The following LINC00632 variants were observed in gnomAD, a reference collection of about 807,000 sequenced individuals.
The protein encoded by LINC00632 is long independently transcribed non-coding RNA 632.
chrX:140,734,680 C>T (rs1931113566), intron 3 of LINC00632, among the ~76,000 whole-genome samples: 1 of 108,934 alleles, frequency 9.2e-6, no homozygotes, highest in Non-Finnish European at 1.9e-5. Flanking sequence ...ATTAGTAGTA[C>T]ACAATCAGAA....
chrX:140,710,500 T>G lies in LINC00632; in HGVS notation n.68+695T>G, dbSNP rs746920844. ...TATTTTTGGACAGCGATTTATACAG[T>G]AAAGACAAGAGTGTTCTCGGTGCTT... On this transcript the variant is annotated intron_variant and non_coding_transcript_variant, in intron 1 of 4. Transcript: ENST00000648200. 2.7e-5 allele frequency among the ~76,000 whole-genome samples: 3 copies of G among 111,157 alleles called. No individual in the cohort carries two copies. The East Asian group carries it at 8.5e-4, about 31-fold the overall frequency.
In LINC00632 at chrX:140,716,776, A is replaced by AACAC. The variant is rs772861958; in HGVS notation, n.104+5123_104+5124insCACA. 4.4e-5 allele frequency among the ~76,000 whole-genome samples: 3 copies of AACAC among 67,818 alleles called. No homozygotes were observed. In the Admixed American group the frequency reaches 5.6e-4, roughly 13 times the overall value. The allele number at this position is 67,818 out of a possible 115,157, so 58.9% of individuals were successfully genotyped here. A position where few individuals can be genotyped will look rare whatever the true frequency, so the allele number is the denominator to read the frequency against. ...CTCACCCCACAAGGCACAGGCCCAC[A>AACAC]ACATACACACACACACACACACACA... On this transcript the variant is annotated intron_variant and non_coding_transcript_variant, in intron 2 of 4. Coordinates refer to ENST00000648200, the Ensembl canonical transcript of LINC00632.
exon 5 of LINC00632, chrX:140,784,526 T>C (rs746954564): frequency 1.7e-6 from 1 of 603,218 alleles, no homozygotes; most frequent in Middle Eastern, 3.3e-4. Context: ...CCAGCATCTC[T>C]GTGTCTTCCA....
At chrX:140,765,710 T>C (rs995766890) in intron 3 of LINC00632, among the ~76,000 whole-genome samples, 1 of 93,398 alleles carries the variant, frequency 1.1e-5, no homozygotes, top group African/African-American at 4.1e-5. Context: ...TAGACACTGT[T>C]AGGTGCTGGC....
intron 1 of LINC00632, among the ~76,000 whole-genome samples, chrX:140,710,906 G>A (rs763700003): frequency 9.0e-6 from 1 of 111,163 alleles, no homozygotes; most frequent in African/African-American, 3.3e-5. Context: ...AAGGGAGGGG[G>A]TGTTGAACAG....
chrX:140,760,721 C>T (rs1931582892), intron 3 of LINC00632, among the ~76,000 whole-genome samples: 1 of 110,919 alleles, frequency 9.0e-6, no homozygotes, highest in Non-Finnish European at 1.9e-5. Flanking sequence ...CAGTGAGCAA[C>T]CTATATATAA....
exon 5 of LINC00632, among the ~76,000 whole-genome samples, chrX:140,789,056 C>G (rs1433802567): frequency 9.3e-6 from 1 of 107,927 alleles, no homozygotes; most frequent in Non-Finnish European, 1.9e-5. Context: ...TATCTATCTC[C>G]CAGAGATAGC....
chrX:140,763,023 T>C (rs1294425485), intron 3 of LINC00632, among the ~76,000 whole-genome samples: 1 of 111,902 alleles, frequency 8.9e-6, no homozygotes, highest in Non-Finnish European at 1.9e-5. Context: ...TTTTTGCATG[T>C]ATAAATTACT....
At position 140,712,827 on chromosome X, in the gene LINC00632, G is replaced by A. The variant is rs930351482; in HGVS notation, n.104+1171G>A. ...TTCTCTCTCTATTGACTTCTGCACC[G>A]GGCCTCTTAGCTTTACTGATTCTGG... On this transcript the variant is annotated intron_variant and non_coding_transcript_variant, in intron 2 of 4. Transcript: ENST00000648200. 2.8e-5 allele frequency among the ~76,000 whole-genome samples: 3 copies of A among 105,788 alleles called. No homozygotes were observed. The Admixed American group carries it at 3.1e-4, about 11-fold the overall frequency. The allele number at this position is 105,788 out of a possible 115,157, so 91.9% of individuals were successfully genotyped here.
rs768611136 is a variant in LINC00632 at position 140,758,708 on chromosome X, C to A, written n.192-13370C>A. 8.1e-5 allele frequency among the ~76,000 whole-genome samples: 9 copies of A among 111,430 alleles called. No individual in the cohort carries two copies. The East Asian group carries it at 2.5e-3, about 32-fold the overall frequency. On this transcript the variant is annotated intron_variant and non_coding_transcript_variant, in intron 3 of 4. Coordinates refer to ENST00000648200, the Ensembl canonical transcript of LINC00632. ...TTATATTTTCCTTATAGGTTTTTAT[C>A]CCTTTGTTCTATTCTCTTGGAAGAC...
At chrX:140,766,418 A>T (rs770234998) in intron 3 of LINC00632, among the ~76,000 whole-genome samples, 1 of 112,486 alleles carries the variant, frequency 8.9e-6, no homozygotes, top group South Asian at 3.7e-4. Flanking sequence ...AAGATGTTCC[A>T]TAACAATCAA....
At chrX:140,789,430 ATTAT>A (rs935206136) in exon 5 of LINC00632, among the ~76,000 whole-genome samples, 9 of 98,135 alleles carry the variant, frequency 9.2e-5, no homozygotes, top group Non-Finnish European at 1.8e-4. Context: ...TTTACAATCT[ATTAT>A]TTATTTAATT....
At chrX:140,750,125 T>C (rs1931388797) in intron 3 of LINC00632, among the ~76,000 whole-genome samples, 1 of 111,163 alleles carries the variant, frequency 9.0e-6, no homozygotes, top group South Asian at 3.8e-4. Flanking sequence ...TGGGACAACA[T>C]GGATGAACCT....
At chrX:140,789,919 TAA>T (rs749243186) in exon 5 of LINC00632, among the ~76,000 whole-genome samples, 139 of 111,713 alleles carry the variant, frequency 1.2e-3, no homozygotes, top group African/African-American at 4.4e-3. Context: ...CTATTTACTA[TAA>T]AGAAGATTTA....
At chrX:140,779,638 T>C (rs1242363415) in exon 5 of LINC00632, among the ~76,000 whole-genome samples, 1 of 111,831 alleles carries the variant, frequency 8.9e-6, no homozygotes, top group Non-Finnish European at 1.9e-5. Context: ...TAAAATCAAA[T>C]AGAAAATAGA....
At chrX:140,771,653 A>ATATATG (rs1556028733) in intron 3 of LINC00632, among the ~76,000 whole-genome samples, 1 of 76,970 alleles carries the variant, frequency 1.3e-5, no homozygotes, top group Admixed American at 1.5e-4. Flanking sequence ...ACATACATAT[A>ATATATG]TGTGTGTGTG....
chrX:140,775,860 A>G (rs1366823558), exon 5 of LINC00632, among the ~76,000 whole-genome samples: 1 of 110,948 alleles, frequency 9.0e-6, no homozygotes, highest in African/African-American at 3.3e-5. Context: ...GAAATTTGGC[A>G]TGAGGGAGTC....
chrX:140,751,584 T>C (rs1193658457), intron 3 of LINC00632, among the ~76,000 whole-genome samples: 2 of 111,483 alleles, frequency 1.8e-5, no homozygotes, highest in Non-Finnish European at 3.8e-5. Context: ...TCTGCTGAGG[T>C]AGAATTTCAG....
chrX:140,764,251 C>T (rs1931645671), intron 3 of LINC00632, among the ~76,000 whole-genome samples: 1 of 108,847 alleles, frequency 9.2e-6, no homozygotes, highest in Non-Finnish European at 1.9e-5. Flanking sequence ...ATGATCGAAT[C>T]CATCCACGAC....
Sources: gnomAD v4.1 joint callset for allele counts (sites outside exome capture counted in the v4.1 genomes callset) on GRCh38, gnomAD v4.1.1 for gene constraint, MANE v1.5 for transcripts, NCBI Gene and HGNC (gene_info 2026-07-23, HGNC 2026-07-21) for gene names.